The following BUB1B variants were observed in gnomAD, a reference collection of about 807,000 sequenced individuals.
The protein encoded by BUB1B is BUB1 mitotic checkpoint serine/threonine kinase B.
In BUB1B, 86 loss-of-function variants were observed where a neutral mutation model predicts 137.7. The observed-to-expected ratio is 0.62, with a 90% confidence interval of 0.52 to 0.75. The LOEUF is 0.75. BUB1B is among the 30% of genes least tolerant of loss of function. BUB1B has a pLI of 0.00. For missense variants in BUB1B, 1,130 were observed against 1,236.9 expected (o/e 0.91, Z 1.30); for synonymous variants, 420 against 417.9 (o/e 1.00, Z -0.06).
In BUB1B at chr15:40,209,724, A is replaced by G. The variant is rs763676435; in HGVS notation, c.2233A>G (p.Ile745Val). The change falls in exon 17 of 23, where the codon ATA (isoleucine) becomes GTA (valine). Residue 745 changes from isoleucine (I) to valine (V), a missense_variant. By Grantham distance (29) the Ile-to-Val change is conservative (BLOSUM62 3). Coordinates refer to ENST00000287598, the MANE Select transcript of BUB1B (RefSeq NM_001211.6). ...PELSASAELC[I>V]EDRPMPKLEI... ...GTTAAGTGCCTCTGCAGAGTTGTGTATAGAAGACAGACCAATGCCTAAGTT... is the reference window on the plus strand; with the variant it reads ...GTTAAGTGCCTCTGCAGAGTTGTGTGTAGAAGACAGACCAATGCCTAAGTT... The G allele has an allele frequency of 2.5e-6, 4 of 1,614,080 alleles. No homozygotes were observed. The highest frequency in any genetic ancestry group is 2.7e-5 in the African/African-American group (2 of 74,934).
At chr15:40,172,754 A>C (rs1274308978) in intron 4 of BUB1B, among the ~76,000 whole-genome samples, 1 of 152,198 alleles carries the variant, frequency 6.6e-6, no homozygotes, top group Non-Finnish European at 1.5e-5. Flanking sequence ...TGAAGCCATG[A>C]GGTATCTTGA....
At chr15:40,215,533 G>T (rs1390637898) in intron 20 of BUB1B, among the ~76,000 whole-genome samples, 1 of 152,108 alleles carries the variant, frequency 6.6e-6, no homozygotes, top group East Asian at 1.9e-4. Context: ...ATTTTGGGAG[G>T]CCGAGGCGGG....
chr15:40,196,839 T>G (rs1214761488), intron 9 of BUB1B, 65 bp downstream of exon 9: 2 of 1,446,862 alleles, frequency 1.4e-6, no homozygotes, highest in African/African-American at 2.8e-5. Flanking sequence ...GCTGACCTAT[T>G]AAGTCTGAAG....
intron 16 of BUB1B, among the ~76,000 whole-genome samples, chr15:40,209,138 G>A (rs1021149242): frequency 6.6e-6 from 1 of 152,124 alleles, no homozygotes; most frequent in Non-Finnish European, 1.5e-5. Context: ...AGAAGTTGCC[G>A]GCCGGGTGCG....
chr15:40,216,286 A>G (rs1411155093), intron 20 of BUB1B, among the ~76,000 whole-genome samples: 1 of 151,962 alleles, frequency 6.6e-6, no homozygotes, highest in Non-Finnish European at 1.5e-5. Context: ...AAAAATTAAG[A>G]AATTAGCCAG....
chr15:40,219,686 C>G (rs1363454791), intron 22 of BUB1B, among the ~76,000 whole-genome samples: 1 of 151,324 alleles, frequency 6.6e-6, no homozygotes, highest in Admixed American at 6.6e-5. Context: ...CGCCACTGCA[C>G]TCCACCCAGG....
chr15:40,190,481 G>A (rs933560788), intron 8 of BUB1B, among the ~76,000 whole-genome samples: 5 of 152,090 alleles, frequency 3.3e-5, no homozygotes, highest in African/African-American at 1.2e-4. Flanking sequence ...GGGCATAGTG[G>A]CACATGCCTA....
rs1357323558 is a variant in BUB1B, at chr15:40,217,477, C to A, written c.2679-19C>A. The A allele has an allele frequency of 1.2e-6, 2 of 1,612,920 alleles. No homozygotes were observed. Among genetic ancestry groups the A allele is most frequent in the African/African-American group, 2.7e-5 (2 of 74,804 alleles). ...CATGGCCTATTTTTATTATCTCCTT[C>A]TCTTAAATCTGGGCTCAGAATCCAC... On this transcript the variant is annotated intron_variant, in intron 20 of 22. Coordinates refer to ENST00000287598, the MANE Select transcript of BUB1B (RefSeq NM_001211.6).
chr15:40,208,637 C>T lies in BUB1B; in HGVS notation c.2010C>T (p.Ser670=). The stretch of plus-strand genomic sequence containing the variant: ...ATTAACTTATTTTTGATTCTTTTAG[C>T]CCAATTATTGAAGACAGTCGTGAAG... ...YSQTLSIKKL[S]PIIEDSREAT... is the part of the protein sequence containing the mutation. The change falls in exon 16 of 23, where the codon AGC becomes AGT. Residue 670 remains serine, a splice_region_variant and synonymous_variant. Transcript: ENST00000287598. 1 of 1,613,000 alleles carries T rather than the reference C, an allele frequency of 6.2e-7. No homozygotes were observed. Among genetic ancestry groups the T allele is most frequent in the Non-Finnish European group, 8.5e-7 (1 of 1,179,144 alleles).
Position 40,217,503 on chromosome 15 carries a change from G to T in BUB1B, c.2686G>T (p.Asp896Tyr), listed in dbSNP as rs778645750. The T allele has an allele frequency of 6.2e-7, 1 of 1,613,776 alleles. No homozygotes were observed. The highest frequency in any genetic ancestry group is 1.1e-5 in the South Asian group (1 of 91,062). Residue 896 changes from aspartate to tyrosine, a missense_variant, in exon 21 of 23, where the codon GAT becomes TAT. Asp to Tyr is a radical substitution (Grantham distance 160). Transcript: ENST00000287598. ...TCTTAAATCTGGGCTCAGAATCCAC[G>T]ATCCCTATGATTGTAACAAGAACAA... ...RCLILRNRIH[D>Y]PYDCNKNNQA...
intron 1 of BUB1B, among the ~76,000 whole-genome samples, chr15:40,164,798 AG>A (rs1296429567): frequency 1.3e-5 from 2 of 151,888 alleles, no homozygotes; most frequent in African/African-American, 4.8e-5. Context: ...CACCGCACAT[AG>A]CCATGCCCTA....
intron 1 of BUB1B, among the ~76,000 whole-genome samples, chr15:40,162,254 A>G (rs183178199): frequency 1.3e-5 from 2 of 152,306 alleles, no homozygotes; most frequent in East Asian, 1.9e-4. Context: ...TGCACCTGGC[A>G]TGTCCAAGGC....
intron 8 of BUB1B, among the ~76,000 whole-genome samples, chr15:40,190,685 G>A (rs1372268752): frequency 1.3e-5 from 2 of 152,076 alleles, no homozygotes; most frequent in African/African-American, 2.4e-5. Flanking sequence ...CATCAGCATC[G>A]CTACTCTTGT....
At chr15:40,219,283 A>G (rs975776778) in intron 22 of BUB1B, among the ~76,000 whole-genome samples, 17 of 152,194 alleles carry the variant, frequency 1.1e-4, no homozygotes. Context: ...TTTCTAAACT[A>G]TATGCTAATT....
chr15:40,178,956 T>G (rs2037252328), intron 5 of BUB1B, among the ~76,000 whole-genome samples: 1 of 152,094 alleles, frequency 6.6e-6, no homozygotes, highest in Non-Finnish European at 1.5e-5. Context: ...AATCTAATTT[T>G]AGAACATTTT....
At chr15:40,173,016 C>G (rs757632568) in intron 4 of BUB1B, among the ~76,000 whole-genome samples, 1 of 152,118 alleles carries the variant, frequency 6.6e-6, no homozygotes, top group Non-Finnish European at 1.5e-5. Context: ...TGGCTCCCAC[C>G]TGTAATCCCA....
intron 5 of BUB1B, among the ~76,000 whole-genome samples, chr15:40,183,357 G>A (rs147864905): frequency 1.3e-5 from 2 of 152,298 alleles, no homozygotes; most frequent in East Asian, 1.9e-4. Context: ...TTAACAATTG[G>A]TGGGTCAAGT....
At chr15:40,179,025 C>T (rs539456718) in intron 5 of BUB1B, among the ~76,000 whole-genome samples, 17 of 152,254 alleles carry the variant, frequency 1.1e-4, no homozygotes, top group Admixed American at 3.9e-4. Context: ...CTACTTACCT[C>T]GCTCCTAGGC....
In BUB1B at chr15:40,203,970, C is replaced by T. The variant is rs72731447; in HGVS notation, c.1734+1276C>T. Among the ~76,000 whole-genome samples, 1,130 of 152,270 alleles carry T rather than the reference C, an allele frequency of 7.4e-3. 9 individuals carry two copies. The highest frequency in any genetic ancestry group is 0.012 in the Non-Finnish European group (785 of 68,002). Reference sequence around the variant, plus strand: ...CAGTGTTTTCCACATCCTAGGGAATCATTTGGAGGAAGTTTTTTAAAAGCA... The same window carrying T: ...CAGTGTTTTCCACATCCTAGGGAATTATTTGGAGGAAGTTTTTTAAAAGCA... On this transcript the variant is annotated intron_variant, in intron 14 of 22. Coordinates refer to ENST00000287598, the MANE Select transcript of BUB1B (RefSeq NM_001211.6).
Sources: gnomAD v4.1 joint callset for allele counts (sites outside exome capture counted in the v4.1 genomes callset) on GRCh38, gnomAD v4.1.1 for gene constraint, MANE v1.5 for transcripts, NCBI Gene and HGNC (gene_info 2026-07-23, HGNC 2026-07-21) for gene names.